SMC4: variants seen among roughly 807,000 people sequenced by gnomAD.
The protein encoded by SMC4 is structural maintenance of chromosomes 4.
A neutral mutation model predicts 145.6 loss-of-function variants in SMC4; 87 were observed. That is an observed-to-expected ratio of 0.60 (90% CI 0.50 to 0.71). The LOEUF is 0.71. Ranked by LOEUF, SMC4 falls within the 30% of genes least tolerant of loss-of-function variation. The pLI, the probability that SMC4 is intolerant of heterozygous loss-of-function variation, is 0.00. For synonymous variants in SMC4, 558 were observed against 500.7 expected, an observed-to-expected ratio of 1.11 and a Z score of -1.53; for missense variants, 1,447 against 1,537.1, an observed-to-expected ratio of 0.94 and a Z score of 0.98.
At chr3:160,412,301 G>A (rs762014424) in intron 6 of SMC4, 25 bp from the exon 7 acceptor site, 1 of 1,574,826 alleles carries the variant, frequency 6.3e-7, no homozygotes, top group Non-Finnish European at 8.7e-7. Context: ...TGTGTATTCA[G>A]TCTTTAAACT....
In SMC4 at chr3:160,416,572, C is replaced by G. The variant is rs140599443; in HGVS notation, c.1437+157C>G. On this transcript the variant is annotated intron_variant, in intron 10 of 23. Coordinates refer to ENST00000357388, the MANE Select transcript of SMC4 (RefSeq NM_001002800.3). ...GTCAACCTAGACTTAGATGACTATTCTTTTAATTCCTGCTGACATGTTTTT... is the reference window on the plus strand; with the variant it reads ...GTCAACCTAGACTTAGATGACTATTGTTTTAATTCCTGCTGACATGTTTTT... 3.3e-3 allele frequency: 1,379 copies of G among 420,290 alleles called. 20 individuals carry two copies. The highest frequency in any genetic ancestry group is 0.026 in the African/African-American group (1,279 of 49,022). The allele number at this position is 420,290 out of a possible 1,614,324, so 26.0% of individuals were successfully genotyped here. A position where few individuals can be genotyped will look rare whatever the true frequency, so the allele number is the denominator to read the frequency against.
At chr3:160,404,161 C>A (rs1715043490) in intron 4 of SMC4, 167 bp from the exon 5 acceptor site, 1 of 580,620 alleles carries the variant, frequency 1.7e-6, no homozygotes, top group Non-Finnish European at 2.9e-6. Flanking sequence ...AGTATCAATT[C>A]TTTGCTAAGT....
intron 1 of SMC4, chr3:160,400,198 G>C (rs1166609133): frequency 6.6e-6 from 1 of 152,396 alleles, no homozygotes; most frequent in Non-Finnish European, 1.5e-5. Flanking sequence ...GCCAGCGTCC[G>C]ACTTGAAGTT....
intron 18 of SMC4, 78 bp downstream of exon 18, chr3:160,429,020 C>G: frequency 2.5e-6 from 3 of 1,194,826 alleles, no homozygotes; most frequent in Non-Finnish European, 3.5e-6. Flanking sequence ...ATGTAATGTT[C>G]CATAAAATGT....
rs1241369853 is a variant in SMC4 at position 160,400,817 on chromosome 3, C to T, written c.-5-5C>T. On this transcript the variant is annotated splice_polypyrimidine_tract_variant and splice_region_variant and intron_variant, in intron 1 of 23. Transcript: ENST00000357388. ...GACTTGCTCCCGGCTGTCCCCCGGCCCCAGCGACCATGCCCCGTAAAGGCA... is the reference window on the plus strand; with the variant it reads ...GACTTGCTCCCGGCTGTCCCCCGGCTCCAGCGACCATGCCCCGTAAAGGCA... The T allele has an allele frequency of 6.6e-7, 1 of 1,522,138 alleles. No individual in the cohort carries two copies. The highest frequency in any genetic ancestry group is 2.0e-5 in the Admixed American group (1 of 50,996). 94.3% of individuals were successfully genotyped at this position (1,522,138 alleles called of 1,614,324 possible).
At position 160,433,214 on chromosome 3, in the gene SMC4, GTAATCATTTTGGGATTTTCA is replaced by G; in HGVS notation, c.3714+7_3714+26del. ...ATTGTTGCATTTTATATATATGTAA[GTAATCATTTTGGGATTTTCA>G]TTCCAGAAACTTTTAGGGGTATCCT... On this transcript the variant is annotated splice_donor_region_variant and intron_variant, in intron 23 of 23. Transcript: ENST00000357388. The G allele has an allele frequency of 6.3e-7, 1 of 1,595,782 alleles. No homozygotes were observed. The highest frequency in any genetic ancestry group is 1.7e-5 in the Admixed American group (1 of 58,024).
chr3:160,411,793 C>A, intron 5 of SMC4, 127 bp from the exon 6 acceptor site: 1 of 653,964 alleles, frequency 1.5e-6, no homozygotes, highest in Non-Finnish European at 2.5e-6. Context: ...AATCATTGCA[C>A]TACTAACTGT....
At chr3:160,413,784 A>G (rs1042714891) in intron 8 of SMC4, 171 bp downstream of exon 8, 17 of 447,460 alleles carry the variant, frequency 3.8e-5, no homozygotes, top group Non-Finnish European at 5.9e-5. Flanking sequence ...TCCTTGTTAC[A>G]GATGAAATTC....
At position 160,424,879 on chromosome 3, in the gene SMC4, G is replaced by A. The variant is rs762519273; in HGVS notation, c.2338G>A (p.Glu780Lys). 8 of 1,611,806 alleles carry A rather than the reference G, an allele frequency of 5.0e-6. No homozygotes were observed. In the South Asian group the frequency reaches 7.7e-5, roughly 16 times the overall value. Residue 780 changes from glutamate to lysine, a missense_variant, in exon 16 of 24, where the codon GAA (glutamate) becomes AAA (lysine). Glu to Lys is a moderately conservative substitution (Grantham distance 56). Coordinates refer to ENST00000357388, the MANE Select transcript of SMC4 (RefSeq NM_001002800.3). ...EISEEEVNKM[E>K]SQLQNDSKKA... ...ACTTTCTTTGTAGGTAAACAAAATGGAATCACAGTTGCAAAACGACTCTAA... is the reference window on the plus strand; with the variant it reads ...ACTTTCTTTGTAGGTAAACAAAATGAAATCACAGTTGCAAAACGACTCTAA...
intron 12 of SMC4, among the ~76,000 whole-genome samples, chr3:160,419,757 G>A (rs557638738): frequency 6.6e-6 from 1 of 151,956 alleles, no homozygotes; most frequent in East Asian, 1.9e-4. Flanking sequence ...TACATATCAA[G>A]AAAAATACTA....
At chr3:160,423,120 A>G (rs576580092) in intron 13 of SMC4, among the ~76,000 whole-genome samples, 20 of 152,284 alleles carry the variant, frequency 1.3e-4, no homozygotes, top group Admixed American at 1.2e-3. Flanking sequence ...TAATTTGTAT[A>G]TATGACTTTT....
chr3:160,430,840 ATAGACT>A (rs1718326464), intron 19 of SMC4, 97 bp downstream of exon 19: 7 of 1,380,540 alleles, frequency 5.1e-6, no homozygotes, highest in South Asian at 2.9e-5. Flanking sequence ...GTAAGCACTC[ATAGACT>A]TAAAGTTTTA....
Position 160,431,629 on chromosome 3 carries a change from A to C in SMC4, c.3115-14A>C. 6.4e-7 allele frequency: 1 copy of C among 1,563,252 alleles called. No individual in the cohort carries two copies. The highest frequency in any genetic ancestry group is 1.2e-5 in the South Asian group (1 of 83,388). On this transcript the variant is annotated splice_polypyrimidine_tract_variant and intron_variant, in intron 20 of 23. Coordinates refer to ENST00000357388, the MANE Select transcript of SMC4 (RefSeq NM_001002800.3). ...TTATGCCTTCTCTAACTCTCCCCTAAATTGAACTTTTAGATTTCAAAAATA... is the reference window on the plus strand; with the variant it reads ...TTATGCCTTCTCTAACTCTCCCCTACATTGAACTTTTAGATTTCAAAAATA...
intron 21 of SMC4, 106 bp from the exon 22 acceptor site, chr3:160,432,177 G>C: frequency 2.3e-6 from 2 of 880,452 alleles, no homozygotes; most frequent in Non-Finnish European, 3.5e-6. Context: ...ACTCCAGCCT[G>C]GGCGTCAGGG....
Position 160,433,927 on chromosome 3 carries a change from C to A in SMC4, c.*118C>A. 1 of 678,546 alleles carries A rather than the reference C, an allele frequency of 1.5e-6. No individual in the cohort carries two copies. Among genetic ancestry groups the A allele is most frequent in the East Asian group, 3.2e-5 (1 of 31,532 alleles). 42.0% of individuals were successfully genotyped at this position (678,546 alleles called of 1,614,324 possible). A position where few individuals can be genotyped will look rare whatever the true frequency, so the allele number is the denominator to read the frequency against. Reference sequence around the variant, plus strand: ...CTAAACTAGATCATGAAACTGGTTTCTGTTTTATGCAGTTGTCATTTGTAA... The same window carrying A: ...CTAAACTAGATCATGAAACTGGTTTATGTTTTATGCAGTTGTCATTTGTAA... On this transcript the variant is annotated 3_prime_UTR_variant, in exon 24 of 24. Coordinates refer to ENST00000357388, the MANE Select transcript of SMC4 (RefSeq NM_001002800.3).
chr3:160,410,194 G>A (rs1460730739), intron 5 of SMC4, among the ~76,000 whole-genome samples: 3 of 152,190 alleles, frequency 2.0e-5, no homozygotes, highest in African/African-American at 7.2e-5. Flanking sequence ...GACAGTTTCG[G>A]TTGTTATAGC....
intron 18 of SMC4, 49 bp downstream of exon 18, chr3:160,428,991 C>T (rs759712013): frequency 2.1e-6 from 3 of 1,418,106 alleles, no homozygotes; most frequent in East Asian, 2.4e-5. Context: ...CCTGCCTTCA[C>T]ATTGGAAAGG....
intron 4 of SMC4, 161 bp from the exon 5 acceptor site, chr3:160,404,167 T>G: frequency 3.4e-6 from 2 of 591,848 alleles, no homozygotes; most frequent in Non-Finnish European, 5.7e-6. Context: ...AATTCTTTGC[T>G]AAGTTGGGTT....
rs1717874638 is a variant in SMC4 at position 160,427,101 on chromosome 3, T to C, written c.2605+901T>C. Among the ~76,000 whole-genome samples, 2 of 152,238 alleles carry C rather than the reference T, an allele frequency of 1.3e-5. 1 individual carries two copies. The highest frequency in any genetic ancestry group is 4.8e-5 in the African/African-American group (2 of 41,464). On this transcript the variant is annotated intron_variant, in intron 17 of 23. Transcript: ENST00000357388. ...ACAATGCATATCAAATGTGCATTTATATTAATTTGTGTCTGTGTTTATCTG... is the reference window on the plus strand; with the variant it reads ...ACAATGCATATCAAATGTGCATTTACATTAATTTGTGTCTGTGTTTATCTG...
Sources: gnomAD v4.1 joint callset for allele counts (sites outside exome capture counted in the v4.1 genomes callset) on GRCh38, gnomAD v4.1.1 for gene constraint, MANE v1.5 for transcripts, NCBI Gene and HGNC (gene_info 2026-07-23, HGNC 2026-07-21) for gene names.